PRKCH: variants seen among roughly 807,000 people sequenced by gnomAD.
The protein encoded by PRKCH is protein kinase C eta type.
In PRKCH, 28 loss-of-function variants were observed where a neutral mutation model predicts 82.5. The observed-to-expected ratio is 0.34, with a 90% CI of 0.25 to 0.47. The LOEUF (loss-of-function observed/expected upper bound fraction) is 0.47. Ranked by LOEUF, PRKCH falls within the 20% of genes least tolerant of loss-of-function variation. PRKCH has a pLI of 1.00. For synonymous variants in PRKCH, 322 were observed against 327.4 expected, an observed-to-expected ratio of 0.98 and a Z score of 0.18; for missense variants, 705 against 881.8, an observed-to-expected ratio of 0.80 and a Z score of 2.54.
chr14:61,191,213 A>T (rs556816854), intron 1 of PRKCH, among the ~76,000 whole-genome samples: 69 of 152,300 alleles, frequency 4.5e-4, no homozygotes, highest in African/African-American at 1.5e-3. Context: ...CGTGAAAGTG[A>T]GAGGAGGGAA....
intron 9 of PRKCH, among the ~76,000 whole-genome samples, chr14:61,466,350 C>T (rs144176238): frequency 7.9e-5 from 12 of 152,252 alleles, no homozygotes; most frequent in African/African-American, 2.9e-4. Flanking sequence ...GCGAAATTCA[C>T]ATCACACTCC....
At chr14:61,264,615 A>G (rs2045080499) in intron 1 of PRKCH, among the ~76,000 whole-genome samples, 1 of 152,092 alleles carries the variant, frequency 6.6e-6, no homozygotes, top group African/African-American at 2.4e-5. Context: ...TATTAGCCAA[A>G]TTTTATAAAT....
intron 1 of PRKCH, among the ~76,000 whole-genome samples, chr14:61,378,416 A>T (rs1442685789): frequency 6.6e-6 from 1 of 151,940 alleles, no homozygotes; most frequent in Non-Finnish European, 1.5e-5. Context: ...TTTGTTGCTT[A>T]GGCTGTTCTG....
intron 2 of PRKCH, among the ~76,000 whole-genome samples, chr14:61,403,340 A>G (rs952252671): frequency 2.6e-5 from 4 of 152,184 alleles, no homozygotes; most frequent in East Asian, 1.9e-4. Flanking sequence ...TTAAATTTTA[A>G]TGACCACAGG....
At chr14:61,521,999 C>T (rs1333907295) in intron 10 of PRKCH, among the ~76,000 whole-genome samples, 2 of 152,118 alleles carry the variant, frequency 1.3e-5, no homozygotes, top group African/African-American at 2.4e-5. Flanking sequence ...TTTATAGCTC[C>T]GAACCAGCCT....
chr14:61,336,455 T>C (rs897826917), intron 1 of PRKCH, among the ~76,000 whole-genome samples: 2 of 152,336 alleles, frequency 1.3e-5, no homozygotes, highest in South Asian at 4.1e-4. Context: ...CAATGTTGGC[T>C]AAAGTTGGTT....
chr14:61,347,644 C>T (rs1274228631), intron 1 of PRKCH, among the ~76,000 whole-genome samples: 1 of 152,196 alleles, frequency 6.6e-6, no homozygotes, highest in African/African-American at 2.4e-5. Flanking sequence ...ATGTAGGCCC[C>T]TTGGAGCTGC....
At chr14:61,430,264 T>C (rs1377861554) in intron 2 of PRKCH, among the ~76,000 whole-genome samples, 1 of 152,148 alleles carries the variant, frequency 6.6e-6, no homozygotes, top group East Asian at 1.9e-4. Flanking sequence ...AAGACCACAA[T>C]GAGATACCAC....
rs1472444046 is a variant in PRKCH at position 61,427,112 on chromosome 14, A to G, written c.428-15999A>G. ...AGACATCAATCAGTACATGTGAGGT[A>G]TACATTGGTTTGGTCTGGAAAGGCA... is the stretch of plus-strand genomic sequence containing the variant. On this transcript the variant is annotated intron_variant, in intron 2 of 13. Coordinates refer to ENST00000332981, the MANE Select transcript of PRKCH (RefSeq NM_006255.5). Among the ~76,000 whole-genome samples, 9 of 152,190 alleles carry G rather than the reference A, an allele frequency of 5.9e-5. No homozygotes were observed. The East Asian group carries it at 1.4e-3, about 23-fold the overall frequency.
intron 1 of PRKCH, among the ~76,000 whole-genome samples, chr14:61,209,830 C>A (rs12437321): frequency 6.6e-6 from 1 of 151,718 alleles, no homozygotes; most frequent in South Asian, 2.1e-4. Context: ...TTTTGAACTC[C>A]CTGGTGTCTA....
At chr14:61,528,972 A>ACGTGTGTGTGTG (rs1181864604) in intron 10 of PRKCH, 103 bp from the exon 11 acceptor site, 1 of 908,090 alleles carries the variant, frequency 1.1e-6, no homozygotes, top group Non-Finnish European at 1.4e-6. Flanking sequence ...ATGTGGCCGC[A>ACGTGTGTGTGTG]CGTGTGTGTG....
intron 1 of PRKCH, chr14:61,353,796 G>T (rs2046112131): frequency 6.6e-6 from 1 of 152,160 alleles, no homozygotes. Context: ...AATTAGCCAG[G>T]CATGGTGGCA....
intron 1 of PRKCH, among the ~76,000 whole-genome samples, chr14:61,244,445 AT>A (rs1771358285): frequency 6.6e-6 from 1 of 152,190 alleles, no homozygotes; most frequent in South Asian, 2.1e-4. Flanking sequence ...TTTGCTTTGC[AT>A]TTTTGTTTTA....
rs34645520 is a variant in PRKCH, at chr14:61,200,388, AGTGT to A, written c.-19+12739_-19+12742del. On this transcript the variant is annotated intron_variant, in intron 1 of 3. Transcript: ENST00000555185. ...ATGCTACTGTTTAAGTGAGTGAGTG[AGTGT>A]GTGTGTGTGTGTGTGTGTTTGTGTG... Among the ~76,000 whole-genome samples the A allele has an allele frequency of 1.0e-3, 149 of 142,450 alleles. 2 individuals are homozygous for A. In the South Asian group the frequency reaches 0.028, roughly 27 times the overall value. 93.5% of individuals were successfully genotyped at this position (142,450 alleles called of 152,430 possible). A position where few individuals can be genotyped will look rare whatever the true frequency, so the allele number is the denominator to read the frequency against.
At chr14:61,521,801 C>G (rs2042911142) in intron 10 of PRKCH, among the ~76,000 whole-genome samples, 1 of 152,156 alleles carries the variant, frequency 6.6e-6, no homozygotes, top group African/African-American at 2.4e-5. Context: ...GCCCCACTCT[C>G]TAGGCACACA....
chr14:61,402,692 G>A (rs921758559), intron 2 of PRKCH, among the ~76,000 whole-genome samples: 2 of 151,942 alleles, frequency 1.3e-5, no homozygotes, highest in Non-Finnish European at 2.9e-5. Context: ...CCAGCTACTC[G>A]GGAGGCTGAG....
intron 1 of PRKCH, among the ~76,000 whole-genome samples, chr14:61,246,730 T>C (rs2044887084): frequency 6.6e-6 from 1 of 152,156 alleles, no homozygotes. Flanking sequence ...GTTGGCACTT[T>C]TATTTATGTG....
At chr14:61,527,341 T>A (rs528403498) in intron 10 of PRKCH, among the ~76,000 whole-genome samples, 3 of 152,288 alleles carry the variant, frequency 2.0e-5, no homozygotes, top group African/African-American at 7.2e-5. Context: ...GTTTTCCTTT[T>A]CCTGATTAAC....
At chr14:61,339,382 G>A (rs2045900407) in intron 1 of PRKCH, among the ~76,000 whole-genome samples, 1 of 150,514 alleles carries the variant, frequency 6.6e-6, no homozygotes, top group Non-Finnish European at 1.5e-5. Flanking sequence ...GGAGCGCAGT[G>A]GCGCAATCTC....
Sources: allele counts gnomAD v4.1 joint callset (sites outside exome capture counted in the v4.1 genomes callset), GRCh38; gene constraint gnomAD v4.1.1; transcripts MANE v1.5; gene names NCBI Gene and HGNC (gene_info 2026-07-23, HGNC 2026-07-21).